ARHGAP5: variants seen among roughly 807,000 people sequenced by gnomAD.
The protein encoded by ARHGAP5 is Rho GTPase activating protein 5.
In ARHGAP5, 23 loss-of-function variants were observed where a neutral mutation model predicts 116.6. The observed-to-expected ratio is 0.20, with a 90% confidence interval of 0.14 to 0.28. The LOEUF (loss-of-function observed/expected upper bound fraction) is 0.28. ARHGAP5 is among the 10% of genes least tolerant of loss of function. The probability of loss-of-function intolerance (pLI) is 1.00; values close to 1 mark genes in which losing one functional copy is unlikely to be tolerated. For synonymous variants in ARHGAP5, 574 were observed against 602.0 expected (o/e 0.95, Z 0.68); for missense variants, 1,405 against 1,774.8 (o/e 0.79, Z 3.74).
intron 1 of ARHGAP5, 136 bp downstream of exon 1, chr14:32,077,571 G>A: frequency 1.8e-6 from 1 of 555,844 alleles, no homozygotes. Context: ...CGCGGCCGCC[G>A]AGGGGAGCCT....
At chr14:32,132,499 G>A (rs1377481467) in intron 3 of ARHGAP5, among the ~76,000 whole-genome samples, 1 of 152,178 alleles carries the variant, frequency 6.6e-6, no homozygotes, top group African/African-American at 2.4e-5. Context: ...TTTGTCAGAT[G>A]AGTAGGTTGT....
intron 2 of ARHGAP5, among the ~76,000 whole-genome samples, chr14:32,104,857 C>G (rs1012219987): frequency 9.2e-5 from 14 of 152,032 alleles, no homozygotes; most frequent in Non-Finnish European, 4.4e-5. Context: ...TTTGTTTTTA[C>G]TAGTCTAGCA....
intron 3 of ARHGAP5, among the ~76,000 whole-genome samples, chr14:32,145,084 C>T (rs1394703938): frequency 6.6e-6 from 1 of 152,208 alleles, no homozygotes; most frequent in Non-Finnish European, 1.5e-5. Flanking sequence ...AAGCAGGCCT[C>T]CTCTGACGTT....
At chr14:32,125,305 G>A (rs192567678) in intron 3 of ARHGAP5, among the ~76,000 whole-genome samples, 25 of 152,128 alleles carry the variant, frequency 1.6e-4, no homozygotes, top group Middle Eastern at 3.4e-3. Flanking sequence ...ATTGTTTTGA[G>A]GCTCATCTGT....
chr14:32,152,202 C>A (rs1035932721), intron 5 of ARHGAP5, among the ~76,000 whole-genome samples: 6 of 152,064 alleles, frequency 3.9e-5, no homozygotes, highest in Admixed American at 2.0e-4. Context: ...TGAAACCATC[C>A]CCCCACCCAT....
Position 32,092,557 on chromosome 14 carries a change from T to C in ARHGAP5, c.1888T>C (p.Tyr630His). The change falls in exon 2 of 7, where the codon TAT (tyrosine) becomes CAT (histidine). Residue 630 changes from tyrosine to histidine, a missense_variant. Transcript: ENST00000345122. This position sits in a 1 kb window ranked among gnomAD's most constrained non-coding sequence, Gnocchi z 4.1. ...TGAGTATGCCTTAGATGGAAAAATT[T>C]ATGAACTTGATCTTCGGCCGGTTGA... is the stretch of plus-strand genomic sequence containing the variant. ...DDEYALDGKI[Y>H]ELDLRPVDAK... is the part of the protein sequence containing the mutation. The C allele has an allele frequency of 6.2e-7, 1 of 1,613,784 alleles. No individual in the cohort carries two copies. The highest frequency in any genetic ancestry group is 8.5e-7 in the Non-Finnish European group (1 of 1,179,876).
chr14:32,128,380 G>T (rs541438907), intron 3 of ARHGAP5, among the ~76,000 whole-genome samples: 1 of 152,390 alleles, frequency 6.6e-6, no homozygotes, highest in South Asian at 2.1e-4. Context: ...CTGCACTCCA[G>T]CATGGGCTGG....
chr14:32,128,055 C>T (rs373571584), intron 3 of ARHGAP5, among the ~76,000 whole-genome samples: 11 of 149,944 alleles, frequency 7.3e-5, no homozygotes, highest in South Asian at 2.1e-4. Context: ...ACAGTGCGGC[C>T]GGGCAGAGGC....
At chr14:32,084,091 C>G (rs904513984) in intron 1 of ARHGAP5, among the ~76,000 whole-genome samples, 1 of 152,152 alleles carries the variant, frequency 6.6e-6, no homozygotes, top group Non-Finnish European at 1.5e-5. Context: ...AGGGAAATAA[C>G]ATGTTATCAG....
intron 3 of ARHGAP5, among the ~76,000 whole-genome samples, chr14:32,136,690 T>A (rs914228512): frequency 2.4e-4 from 36 of 152,332 alleles, no homozygotes; most frequent in African/African-American, 7.7e-4. Flanking sequence ...CCACATTATT[T>A]TCTACAGCAG....
intron 4 of ARHGAP5, among the ~76,000 whole-genome samples, chr14:32,148,556 A>T (rs941793698): frequency 1.3e-5 from 2 of 152,214 alleles, no homozygotes; most frequent in African/African-American, 2.4e-5. Context: ...ATAAGCTTGT[A>T]TGTATTAAAG....
At position 32,155,710 on chromosome 14, in the gene ARHGAP5, T is replaced by A. The variant is rs45441195; in HGVS notation, c.*762T>A. The A allele has an allele frequency of 6.5e-6, 1 of 152,730 alleles. No homozygotes were observed. Among genetic ancestry groups the A allele is most frequent in the Admixed American group, 6.5e-5 (1 of 15,300 alleles). The allele number at this position is 152,730 out of a possible 1,614,324, so 9.5% of individuals were successfully genotyped here. On this transcript the variant is annotated 3_prime_UTR_variant, in exon 7 of 7. Coordinates refer to ENST00000345122, the MANE Select transcript of ARHGAP5 (RefSeq NM_001030055.2). ...GTATACTGTTAATTCTGTAAACAGA[T>A]GCATGTTCAAAAGATCTATGATGGT... is the stretch of plus-strand genomic sequence containing the variant.
chr14:32,149,641 G>A (rs979698021), intron 4 of ARHGAP5, among the ~76,000 whole-genome samples: 4 of 151,728 alleles, frequency 2.6e-5, no homozygotes, highest in African/African-American at 9.7e-5. Context: ...GCGTGGTGAC[G>A]GTCGCCTGTA....
At chr14:32,150,981 C>G (rs1343903538) in intron 5 of ARHGAP5, among the ~76,000 whole-genome samples, 1 of 152,214 alleles carries the variant, frequency 6.6e-6, no homozygotes, top group Non-Finnish European at 1.5e-5. Flanking sequence ...AAATACTTCT[C>G]TCTACTATTT....
At chr14:32,149,024 G>A (rs974905773) in intron 4 of ARHGAP5, among the ~76,000 whole-genome samples, 1 of 151,990 alleles carries the variant, frequency 6.6e-6, no homozygotes, top group African/African-American at 2.4e-5. Flanking sequence ...AATTCTTGGG[G>A]CCCAGAAGTA....
intron 3 of ARHGAP5, among the ~76,000 whole-genome samples, chr14:32,137,637 A>T (rs1397737529): frequency 6.6e-6 from 1 of 152,020 alleles, no homozygotes; most frequent in Non-Finnish European, 1.5e-5. Context: ...ATTGCATTGA[A>T]TCTGTAGATC....
rs1257965671 is a variant in ARHGAP5 at position 32,090,992 on chromosome 14, G to A, written c.323G>A (p.Arg108Gln). The stretch of plus-strand genomic sequence containing the variant: ...GATGACCAGACTTTCTTGCCTCATC[G>A]GAGTACGAATTTGCAACCATATATA... ...FIDDQTFLPH[R>Q]STNLQPYIKR... The change falls in exon 2 of 7, where the codon CGG becomes CAG. Residue 108 changes from arginine (R) to glutamine (Q), a missense_variant. Physicochemically the swap from Arg to Gln is conservative, Grantham distance 43 (BLOSUM62 1). Transcript: ENST00000345122. The A allele has an allele frequency of 5.0e-6, 8 of 1,613,552 alleles. No homozygotes were observed. The highest frequency in any genetic ancestry group is 2.2e-5 in the South Asian group (2 of 91,052).
chr14:32,103,524 G>A (rs1236100537), intron 2 of ARHGAP5, among the ~76,000 whole-genome samples: 1 of 152,170 alleles, frequency 6.6e-6, no homozygotes, highest in Non-Finnish European at 1.5e-5. Context: ...TTCTGCAGCA[G>A]ATTAATAGTA....
At chr14:32,083,601 T>C (rs1465939321) in intron 1 of ARHGAP5, among the ~76,000 whole-genome samples, 1 of 152,252 alleles carries the variant, frequency 6.6e-6, no homozygotes, top group African/African-American at 2.4e-5. Flanking sequence ...TTATGCTTTT[T>C]AATGTAGTGT....
Sources: gnomAD v4.1 joint callset for allele counts (sites outside exome capture counted in the v4.1 genomes callset) on GRCh38, gnomAD v4.1.1 for gene constraint, Gnocchi (gnomAD v3.1) non-coding constraint, MANE v1.5 for transcripts, NCBI Gene and HGNC (gene_info 2026-07-23, HGNC 2026-07-21) for gene names.